The following PTPRM variants were observed in gnomAD, a reference collection of about 807,000 sequenced individuals.
PTPRM encodes the protein protein tyrosine phosphatase receptor type M.
A neutral mutation model predicts 186.7 loss-of-function variants in PTPRM; 47 were observed. The observed-to-expected ratio is 0.25, with a 90% CI of 0.20 to 0.32. PTPRM has a LOEUF of 0.32. Ranked by LOEUF, PTPRM falls within the 10% of genes least tolerant of loss-of-function variation. The pLI is 1.00. For missense variants in PTPRM, 1,494 were observed against 1,865.0 expected (o/e 0.80, Z 3.66); for synonymous variants, 668 against 674.9 (o/e 0.99, Z 0.16).
chr18:7,756,289 T>C (rs984365147), intron 1 of PTPRM, among the ~76,000 whole-genome samples: 1 of 152,196 alleles, frequency 6.6e-6, no homozygotes, highest in African/African-American at 2.4e-5. Flanking sequence ...CATCCCTCAT[T>C]CTTCTGTAAA....
rs1214004584 is a variant in PTPRM at position 7,949,450 on chromosome 18, G to A, written c.838+95G>A. The A allele has an allele frequency of 3.7e-6, 4 of 1,069,438 alleles. No homozygotes were observed. In the East Asian group the frequency reaches 1.1e-4, roughly 29 times the overall value. The allele number at this position is 1,069,438 out of a possible 1,614,324, so 66.2% of individuals were successfully genotyped here. On this transcript the variant is annotated intron_variant, in intron 6 of 32. Transcript: ENST00000580170. ...CCCTTTAAAGCTCAAACTTACCCTT[G>A]TCTGTTTCTGAGCAGTGGTTTGATG...
chr18:7,579,841 G>A (rs1205607666), intron 1 of PTPRM, among the ~76,000 whole-genome samples: 1 of 152,160 alleles, frequency 6.6e-6, no homozygotes, highest in Non-Finnish European at 1.5e-5. Context: ...TGAACGTTGT[G>A]GAATGATTTG....
At chr18:7,595,717 A>G (rs1193238736) in intron 1 of PTPRM, among the ~76,000 whole-genome samples, 1 of 152,342 alleles carries the variant, frequency 6.6e-6, no homozygotes, top group Non-Finnish European at 1.5e-5. Context: ...TCAGCAATAG[A>G]TGATGATCTT....
intron 14 of PTPRM, among the ~76,000 whole-genome samples, chr18:8,182,652 A>G (rs2093591720): frequency 6.6e-6 from 1 of 152,232 alleles, no homozygotes. Flanking sequence ...CATAGTTCCT[A>G]CTTGGGGACC....
intron 9 of PTPRM, among the ~76,000 whole-genome samples, chr18:8,078,925 C>CA (rs1239002558): frequency 6.6e-6 from 1 of 152,192 alleles, no homozygotes; most frequent in Admixed American, 6.5e-5. Flanking sequence ...GTTCTGCCCA[C>CA]ATGACCCAAA....
chr18:7,598,902 G>A (rs1043779409), intron 1 of PTPRM, among the ~76,000 whole-genome samples: 1 of 151,556 alleles, frequency 6.6e-6, no homozygotes, highest in African/African-American at 2.4e-5. Flanking sequence ...ATTCCTAAAG[G>A]ATATAAACTC....
intron 2 of PTPRM, among the ~76,000 whole-genome samples, chr18:7,851,109 C>T (rs1236005828): frequency 6.6e-6 from 1 of 152,130 alleles, no homozygotes; most frequent in Admixed American, 6.5e-5. Context: ...AGATTTTACA[C>T]AGCTGAGAGC....
chr18:7,776,436 A>G (rs190304262), intron 2 of PTPRM, among the ~76,000 whole-genome samples: 1 of 152,288 alleles, frequency 6.6e-6, no homozygotes, highest in East Asian at 1.9e-4. Context: ...CAGATTTCTG[A>G]AAACTATTGT....
At chr18:8,049,320 G>T (rs2087297492) in intron 7 of PTPRM, 2 of 152,188 alleles carry the variant, frequency 1.3e-5, no homozygotes, top group Non-Finnish European at 2.9e-5. Context: ...AGTTCCAGTG[G>T]TGAGTGAAAT....
chr18:7,744,180 A>G (rs112467142), intron 1 of PTPRM, among the ~76,000 whole-genome samples: 2,634 of 152,282 alleles, frequency 0.017, 85 homozygotes, highest in African/African-American at 0.059. Context: ...CAAAAAGGCC[A>G]CGGTGTGAAG....
intron 2 of PTPRM, among the ~76,000 whole-genome samples, chr18:7,790,187 C>G (rs1452916586): frequency 2.6e-5 from 4 of 152,160 alleles, no homozygotes; most frequent in African/African-American, 9.7e-5. Flanking sequence ...TGTTGGCCTG[C>G]TTAAGAGTTC....
intron 19 of PTPRM, among the ~76,000 whole-genome samples, chr18:8,289,552 A>G (rs1246732228): frequency 3.2e-5 from 3 of 92,500 alleles, no homozygotes; most frequent in Admixed American, 1.1e-4. Context: ...ATATATATAC[A>G]TATATATACA....
chr18:8,082,058 G>A (rs2090157199), intron 9 of PTPRM, among the ~76,000 whole-genome samples: 1 of 152,026 alleles, frequency 6.6e-6, no homozygotes, highest in South Asian at 2.1e-4. Context: ...TCTGTGGGTG[G>A]AGCAAAGATC....
At chr18:7,716,969 T>C (rs2040348136) in intron 1 of PTPRM, among the ~76,000 whole-genome samples, 1 of 152,212 alleles carries the variant, frequency 6.6e-6, no homozygotes, top group Non-Finnish European at 1.5e-5. Context: ...CATCACTGGG[T>C]ATATACCCAA....
chr18:8,229,313 A>G (rs1197673804), intron 14 of PTPRM, among the ~76,000 whole-genome samples: 3 of 152,146 alleles, frequency 2.0e-5, no homozygotes, highest in Middle Eastern at 3.2e-3. Context: ...GCTAAGAACA[A>G]AAACAGTGGC....
intron 5 of PTPRM, among the ~76,000 whole-genome samples, chr18:7,934,974 T>A (rs1377561045): frequency 1.3e-5 from 2 of 152,214 alleles, no homozygotes; most frequent in East Asian, 3.8e-4. Flanking sequence ...TTGGCTTTCG[T>A]GTTATGGATA....
intron 1 of PTPRM, among the ~76,000 whole-genome samples, chr18:7,649,998 C>A (rs989829342): frequency 6.6e-6 from 1 of 151,988 alleles, no homozygotes; most frequent in African/African-American, 2.4e-5. Context: ...GTAAACATAA[C>A]TTTTATATGC....
At chr18:8,367,683 A>C (rs966035265) in intron 23 of PTPRM, among the ~76,000 whole-genome samples, 1 of 152,226 alleles carries the variant, frequency 6.6e-6, no homozygotes, top group Non-Finnish European at 1.5e-5. Flanking sequence ...TTTCGGATGG[A>C]ACCAGAGCTC....
intron 20 of PTPRM, among the ~76,000 whole-genome samples, chr18:8,306,770 A>T (rs1484578815): frequency 6.6e-6 from 1 of 152,234 alleles, no homozygotes; most frequent in Admixed American, 6.5e-5. Flanking sequence ...AACAGGGCTT[A>T]TCATTGGACA....
Sources: allele counts gnomAD v4.1 joint callset (sites outside exome capture counted in the v4.1 genomes callset), GRCh38; gene constraint gnomAD v4.1.1; transcripts MANE v1.5; gene names NCBI Gene and HGNC (gene_info 2026-07-23, HGNC 2026-07-21).